The following FAM107B variants were observed in gnomAD, a reference collection of about 807,000 sequenced individuals.
The protein encoded by FAM107B is protein FAM107B.
A neutral mutation model predicts 31.5 loss-of-function variants in FAM107B; 21 were observed. That is an observed-to-expected ratio of 0.67 (90% confidence interval 0.47 to 0.96). FAM107B has a LOEUF of 0.96. Ranked by LOEUF, FAM107B falls within the 40% of genes least tolerant of loss-of-function variation. The probability of loss-of-function intolerance (pLI) is 0.00; values close to 1 mark genes in which losing one functional copy is unlikely to be tolerated. For synonymous variants in FAM107B, 157 were observed against 141.5 expected (o/e 1.11, Z -0.78); for missense variants, 452 against 377.1 (o/e 1.20, Z -1.64).
At position 14,772,879 on chromosome 10, in the gene FAM107B, T is replaced by C. The variant is rs78505998; in HGVS notation, c.411+1374A>G. Reference sequence around the variant, plus strand: ...AAGATAAAATCAAAGTAACCCTTTGTTCTTGCGGCTGTCTTCAGTAATATA... The same window carrying C: ...AAGATAAAATCAAAGTAACCCTTTGCTCTTGCGGCTGTCTTCAGTAATATA... On this transcript the variant is annotated intron_variant, in intron 1 of 4. Transcript: ENST00000181796. Among the ~76,000 whole-genome samples the C allele has an allele frequency of 8.1e-4, 123 of 152,316 alleles. 3 individuals carry two copies. The East Asian group carries it at 0.019, about 24-fold the overall frequency.
chr10:14,735,752 T>A (rs1160098082), intron 1 of FAM107B, among the ~76,000 whole-genome samples: 1 of 152,148 alleles, frequency 6.6e-6, no homozygotes, highest in African/African-American at 2.4e-5. Flanking sequence ...CTGGAAAGCC[T>A]TTCATAGTCA....
chr10:14,726,795 T>A (rs1856046045), intron 1 of FAM107B, among the ~76,000 whole-genome samples: 1 of 152,182 alleles, frequency 6.6e-6, no homozygotes, highest in South Asian at 2.1e-4. Flanking sequence ...CAGGGGCCAG[T>A]TTCATGGAAG....
chr10:14,530,454 G>C lies in FAM107B; in HGVS notation c.531C>G (p.Ala177=). The C allele has an allele frequency of 6.2e-7, 1 of 1,613,996 alleles. No individual in the cohort carries two copies. The highest frequency in any genetic ancestry group is 8.5e-7 in the Non-Finnish European group (1 of 1,180,002). Residue 177 remains alanine, a synonymous_variant, in exon 3 of 5, where the codon GCC becomes GCG. Coordinates refer to ENST00000181796, the MANE Select transcript of FAM107B (RefSeq NM_031453.4). ...DSYLITRSIM[A]EPDYIEDDNP... is the part of the protein sequence containing the mutation. ...TGTCATCTTCTATGTAGTCTGGCTCGGCCATGATGCTTCTTGTAATGAGAT... is the reference window on the plus strand; with the variant it reads ...TGTCATCTTCTATGTAGTCTGGCTCCGCCATGATGCTTCTTGTAATGAGAT...
At chr10:14,564,738 C>T (rs561537167) in intron 2 of FAM107B, among the ~76,000 whole-genome samples, 1 of 152,282 alleles carries the variant, frequency 6.6e-6, no homozygotes, top group South Asian at 2.1e-4. Context: ...AGGAAACACC[C>T]ATTTATTTCC....
intron 1 of FAM107B, among the ~76,000 whole-genome samples, chr10:14,714,972 T>C (rs1855748798): frequency 2.0e-5 from 3 of 152,158 alleles, no homozygotes; most frequent in South Asian, 2.1e-4. Flanking sequence ...ATATTAATAT[T>C]TGGATGTTGA....
rs984512265 is a variant in FAM107B, at chr10:14,574,491, G to A, written c.470-43976C>T. Among the ~76,000 whole-genome samples, 11 of 152,268 alleles carry A rather than the reference G, an allele frequency of 7.2e-5. 1 individual carries two copies. The highest frequency in any genetic ancestry group is 6.8e-3 in the Middle Eastern group (2 of 294). ...TTCCTGCCAATCAGGAGCTTCCACCGTCACCCAAGTGTCAGAACAAAGCCC... is the reference window on the plus strand; with the variant it reads ...TTCCTGCCAATCAGGAGCTTCCACCATCACCCAAGTGTCAGAACAAAGCCC... On this transcript the variant is annotated intron_variant, in intron 2 of 4. Transcript: ENST00000181796.
chr10:14,583,137 C>T (rs1039156183), intron 2 of FAM107B, among the ~76,000 whole-genome samples: 18 of 150,684 alleles, frequency 1.2e-4, no homozygotes, highest in Middle Eastern at 3.5e-3. Flanking sequence ...AGCTGGTAAA[C>T]GGCAGACCTG....
At chr10:14,661,043 TC>T (rs1359277596) in intron 2 of FAM107B, among the ~76,000 whole-genome samples, 1 of 152,124 alleles carries the variant, frequency 6.6e-6, no homozygotes, top group Non-Finnish European at 1.5e-5. Flanking sequence ...ACCTTCCACT[TC>T]GCCCTCTTCC....
chr10:14,660,080 T>C (rs1488220865), intron 2 of FAM107B, among the ~76,000 whole-genome samples: 1 of 152,058 alleles, frequency 6.6e-6, no homozygotes, highest in East Asian at 1.9e-4. Context: ...AGGTGACCTT[T>C]AGCAAAAAGA....
chr10:14,713,692 C>A (rs952727257), intron 1 of FAM107B, among the ~76,000 whole-genome samples: 1 of 152,000 alleles, frequency 6.6e-6, no homozygotes, highest in Admixed American at 6.6e-5. Context: ...TGAAACAAAG[C>A]CACATGTCAA....
At chr10:14,751,327 G>C (rs1043172110) in intron 1 of FAM107B, among the ~76,000 whole-genome samples, 12 of 152,176 alleles carry the variant, frequency 7.9e-5, no homozygotes, top group African/African-American at 2.9e-4. Context: ...CCCTTGTCCT[G>C]CCAGGAGCTA....
At chr10:14,598,866 A>G (rs1190818765) in intron 2 of FAM107B, among the ~76,000 whole-genome samples, 1 of 151,974 alleles carries the variant, frequency 6.6e-6, no homozygotes, top group Non-Finnish European at 1.5e-5. Flanking sequence ...TGAGAATACT[A>G]GAGCTCAAGG....
chr10:14,751,192 C>A (rs1008127222), intron 1 of FAM107B, among the ~76,000 whole-genome samples: 1 of 152,220 alleles, frequency 6.6e-6, no homozygotes, highest in African/African-American at 2.4e-5. Context: ...AATCCAGACA[C>A]AAAGACCCCA....
At chr10:14,614,541 C>T (rs755837570) in intron 2 of FAM107B, among the ~76,000 whole-genome samples, 16 of 151,644 alleles carry the variant, frequency 1.1e-4, no homozygotes, top group African/African-American at 2.2e-4. Context: ...GGCATGGTGG[C>T]GCATGCCTGT....
chr10:14,590,396 C>G (rs538453000), intron 2 of FAM107B, among the ~76,000 whole-genome samples: 1 of 152,180 alleles, frequency 6.6e-6, no homozygotes, highest in Non-Finnish European at 1.5e-5. Flanking sequence ...ATCCTTTTAA[C>G]AAATAGGTTT....
At chr10:14,718,058 G>A (rs1014625735) in intron 1 of FAM107B, among the ~76,000 whole-genome samples, 1 of 152,166 alleles carries the variant, frequency 6.6e-6, no homozygotes, top group Admixed American at 6.5e-5. Flanking sequence ...CAGGCATGGT[G>A]GCTCACGCCT....
At chr10:14,684,128 C>G (rs1350362403) in intron 1 of FAM107B, among the ~76,000 whole-genome samples, 1 of 152,188 alleles carries the variant, frequency 6.6e-6, no homozygotes, top group Non-Finnish European at 1.5e-5. Flanking sequence ...TCCTCATATG[C>G]TGGAAGGGGC....
chr10:14,753,055 A>G (rs1033850157), intron 1 of FAM107B, among the ~76,000 whole-genome samples: 1 of 152,256 alleles, frequency 6.6e-6, no homozygotes, highest in Non-Finnish European at 1.5e-5. Flanking sequence ...GTGTTCCCAA[A>G]GTACAAAGCT....
At chr10:14,682,399 C>G (rs1273221481) in intron 1 of FAM107B, among the ~76,000 whole-genome samples, 1 of 152,106 alleles carries the variant, frequency 6.6e-6, no homozygotes, top group Non-Finnish European at 1.5e-5. Context: ...CTTGGTGGCG[C>G]ACGCCTGTAG....
Sources: allele counts gnomAD v4.1 joint callset (sites outside exome capture counted in the v4.1 genomes callset), GRCh38; gene constraint gnomAD v4.1.1; transcripts MANE v1.5; gene names NCBI Gene and HGNC (gene_info 2026-07-23, HGNC 2026-07-21).